Variants in MSN observed in about 807,000 individuals in gnomAD.
MSN encodes epididymis luminal protein 70.
In MSN, 2 loss-of-function variants were observed where a neutral mutation model predicts 48.0. The observed-to-expected ratio is 0.04, with a 90% CI of 0.02 to 0.13. The LOEUF (loss-of-function observed/expected upper bound fraction) is 0.13. Ranked by LOEUF, MSN falls within the 10% of genes least tolerant of loss-of-function variation. The pLI is 1.00. For synonymous variants in MSN, 146 were observed against 166.9 expected, an observed-to-expected ratio of 0.87 and a Z score of 0.97; for missense variants, 267 against 470.1, an observed-to-expected ratio of 0.57 and a Z score of 3.99.
rs377057506 is a variant in MSN, at chrX:65,648,135, T to TG, written c.-22+59531dup. On this transcript the variant is annotated intron_variant, in intron 1 of 3. Transcript: ENST00000609672. The stretch of plus-strand genomic sequence containing the variant: ...AGTGGGTTGAAATGGCTGGAGGGGG[T>TG]GGGGGGGGCGTGAGGAAAAAGAAGA... 4.8e-3 allele frequency among the ~76,000 whole-genome samples: 287 copies of TG among 60,388 alleles called. 2 individuals are homozygous for TG. The highest frequency in any genetic ancestry group is 0.017 in the Admixed American group (79 of 4,566). 52.4% of individuals were successfully genotyped at this position (60,388 alleles called of 115,157 possible).
intron 1 of MSN, among the ~76,000 whole-genome samples, chrX:65,639,641 C>G (rs2070633158): frequency 9.0e-6 from 1 of 111,663 alleles, no homozygotes; most frequent in Admixed American, 9.6e-5. Context: ...GACAGCATGA[C>G]CTGCTCCACC....
At chrX:65,665,720 A>C (rs1252855316), upstream of MSN, among the ~76,000 whole-genome samples, 7 of 111,659 alleles carry the variant, frequency 6.3e-5, no homozygotes, top group Non-Finnish European at 1.3e-4. Context: ...AGGACCTTGG[A>C]AGCCCCGGAG....
chrX:65,654,013 T>C (rs1365129237), intron 1 of MSN, among the ~76,000 whole-genome samples: 1 of 109,411 alleles, frequency 9.1e-6, no homozygotes, highest in Non-Finnish European at 1.9e-5. Flanking sequence ...TGACCTCAGG[T>C]GATCCGCCTG....
intron 1 of MSN, among the ~76,000 whole-genome samples, chrX:65,633,020 T>A: frequency 9.0e-6 from 1 of 111,189 alleles, no homozygotes; most frequent in Middle Eastern, 4.6e-3. Flanking sequence ...CTGGCATGGA[T>A]TCATTTCAGG....
At chrX:65,687,642 A>G (rs778217178) in intron 1 of MSN, among the ~76,000 whole-genome samples, 4 of 111,920 alleles carry the variant, frequency 3.6e-5, no homozygotes, top group African/African-American at 1.3e-4. Flanking sequence ...ATAGGCTTCT[A>G]CTTCTCAGGT....
intron 1 of MSN, among the ~76,000 whole-genome samples, chrX:65,640,721 T>C (rs1229392197): frequency 9.0e-6 from 1 of 111,601 alleles, no homozygotes; most frequent in Non-Finnish European, 1.9e-5. Flanking sequence ...GGGGAGTGGG[T>C]AGCAGATGGT....
intron 1 of MSN, among the ~76,000 whole-genome samples, chrX:65,618,121 T>A (rs1052516442): frequency 4.5e-5 from 5 of 111,983 alleles, no homozygotes; most frequent in Non-Finnish European, 9.4e-5. Flanking sequence ...ATTTCTTCAC[T>A]TCCAACTAAG....
rs1257941102 is a variant in MSN, at chrX:65,733,230, T to C, written c.745T>C (p.Ser249Pro). 1 of 1,211,433 alleles carries C rather than the reference T, an allele frequency of 8.3e-7. No individual in the cohort carries two copies. Among genetic ancestry groups the C allele is most frequent in the Admixed American group, 2.2e-5 (1 of 46,033 alleles). Residue 249 changes from serine (S) to proline (P), a missense_variant, in exon 7 of 13, where the codon TCT (serine) becomes CCT (proline). Coordinates refer to ENST00000360270, the MANE Select transcript of MSN (RefSeq NM_002444.3). ...CCCCTGGAGTGAAATCAGGAACATC[T>C]CTTTCAATGATAAGAAATTTGTCAT... is the stretch of plus-strand genomic sequence containing the variant. ...GFPWSEIRNI[S>P]FNDKKFVIKP...
intron 4 of MSN, 56 bp from the exon 5 acceptor site, chrX:65,731,050 TC>T: frequency 9.8e-7 from 1 of 1,024,229 alleles, no homozygotes; most frequent in East Asian, 3.3e-5. Flanking sequence ...GGGCTTCCCT[TC>T]TCTCCTGCAC....
At chrX:65,680,770 A>G (rs2148389691) in intron 1 of MSN, among the ~76,000 whole-genome samples, 1 of 109,718 alleles carries the variant, frequency 9.1e-6, no homozygotes, top group Non-Finnish European at 1.9e-5. Context: ...TTTTTTTGAG[A>G]CAGAGTCTCA....
intron 1 of MSN, among the ~76,000 whole-genome samples, chrX:65,621,668 A>T (rs947529941): frequency 8.9e-6 from 1 of 112,048 alleles, no homozygotes; most frequent in African/African-American, 3.2e-5. Flanking sequence ...TAAGAAAAAA[A>T]CCTGTTGGAA....
At chrX:65,589,493 G>A (rs1268406358) in intron 1 of MSN, among the ~76,000 whole-genome samples, 2 of 112,262 alleles carry the variant, frequency 1.8e-5, no homozygotes, top group Admixed American at 1.9e-4. Flanking sequence ...TGAAGACCGA[G>A]GAGGAAAAGG....
In MSN at chrX:65,741,421, T is replaced by C. The variant is rs780420406; in HGVS notation, c.*1528T>C. 2.4e-5 allele frequency: 4 copies of C among 167,992 alleles called. No individual in the cohort carries two copies. The Middle Eastern group carries it at 7.9e-3, about 330-fold the overall frequency. 13.8% of individuals were successfully genotyped at this position (167,992 alleles called of 1,213,427 possible). A position where few individuals can be genotyped will look rare whatever the true frequency, so the allele number is the denominator to read the frequency against. On this transcript the variant is annotated 3_prime_UTR_variant, in exon 13 of 13. Coordinates refer to ENST00000360270, the MANE Select transcript of MSN (RefSeq NM_002444.3). ...CCCCACACCTGGAAAGCATATACTA[T>C]ATTACAAAATGACATTTTGCCAAAA... is the stretch of plus-strand genomic sequence containing the variant.
chrX:65,707,296 T>TG (rs1168731859), intron 1 of MSN, among the ~76,000 whole-genome samples: 1 of 110,021 alleles, frequency 9.1e-6, no homozygotes, highest in Non-Finnish European at 1.9e-5. Context: ...GTGCTTGGTG[T>TG]GGGAAGCGTC....
intron 1 of MSN, among the ~76,000 whole-genome samples, chrX:65,651,670 C>T (rs999400179): frequency 1.9e-5 from 2 of 107,249 alleles, no homozygotes; most frequent in Admixed American, 1.0e-4. Flanking sequence ...TCACTGCAAC[C>T]TCTGCCTCCT....
chrX:65,702,045 G>T (rs1303826981), intron 1 of MSN, among the ~76,000 whole-genome samples: 4 of 100,434 alleles, frequency 4.0e-5, no homozygotes, highest in Admixed American at 1.1e-4. Context: ...TTCCTCTGTC[G>T]CCTGTCGCCC....
At chrX:65,683,383 T>TGCCGCCGCCGCCGCC (rs199588485) in intron 1 of MSN, among the ~76,000 whole-genome samples, 3 of 93,856 alleles carry the variant, frequency 3.2e-5, no homozygotes, top group African/African-American at 1.6e-4. Flanking sequence ...TTGCTACTGT[T>TGCCGCCGCCGCCGCC]GCCGCCGCCG....
At chrX:65,649,588 A>ATAT (rs1556357085) in intron 1 of MSN, among the ~76,000 whole-genome samples, 48 of 93,759 alleles carry the variant, frequency 5.1e-4, no homozygotes, top group African/African-American at 1.6e-3. Context: ...AAAAAAAAAA[A>ATAT]ATATATATAT....
At chrX:65,708,615 G>A in intron 1 of MSN, among the ~76,000 whole-genome samples, 1 of 111,035 alleles carries the variant, frequency 9.0e-6, no homozygotes, top group Non-Finnish European at 1.9e-5. Context: ...TTCTGTGCCT[G>A]GCTTATTTCA....
Sources: allele counts gnomAD v4.1 joint callset (sites outside exome capture counted in the v4.1 genomes callset), GRCh38; gene constraint gnomAD v4.1.1; transcripts MANE v1.5; gene names NCBI Gene and HGNC (gene_info 2026-07-23, HGNC 2026-07-21).